FBH1: variants seen among roughly 807,000 people sequenced by gnomAD.
The protein encoded by FBH1 is DNA 3'-5' helicase 1.
In FBH1, 43 loss-of-function variants were observed where a neutral mutation model predicts 115.5. The ratio of observed to expected loss-of-function variants is 0.37; its 90% CI spans 0.29 to 0.48. The LOEUF is 0.48. Among genes scored for constraint, FBH1 ranks in the 20% least tolerant of loss-of-function variants. The pLI, the probability that FBH1 is intolerant of heterozygous loss-of-function variation, is 0.99. For missense variants in FBH1, 1,001 were observed against 1,337.3 expected (o/e 0.75, Z 3.92); for synonymous variants, 524 against 507.8 (o/e 1.03, Z -0.43).
chr10:5,912,634 G>A (rs1237734958), intron 6 of FBH1, among the ~76,000 whole-genome samples: 1 of 152,212 alleles, frequency 6.6e-6, no homozygotes, highest in Non-Finnish European at 1.5e-5. Flanking sequence ...GGAGGGGACA[G>A]GATTCCCCAG....
Position 5,925,327 on chromosome 10 carries a change from T to A in FBH1, c.2597-40T>A, listed in dbSNP as rs374645648. ...GTTTTTGTCATCTTGTTTCTTTCCC[T>A]TTGAAGCACCATCTAACGTGTGCTG... On this transcript the variant is annotated intron_variant, in intron 17 of 20. Coordinates refer to ENST00000362091, the MANE Select transcript of FBH1 (RefSeq NM_178150.3). This position sits in a 1 kb window ranked among gnomAD's most constrained non-coding sequence, Gnocchi z 4.6. The A allele has an allele frequency of 2.7e-5, 44 of 1,604,284 alleles. No homozygotes were observed. The highest frequency in any genetic ancestry group is 3.7e-5 in the Non-Finnish European group (43 of 1,175,530).
Position 5,933,821 on chromosome 10 carries a change from A to T in FBH1, c.2830-2635A>T, listed in dbSNP as rs897705456. Among the ~76,000 whole-genome samples the T allele has an allele frequency of 8.1e-5, 12 of 148,040 alleles. No homozygotes were observed. Among genetic ancestry groups the T allele is most frequent in the African/African-American group, 3.0e-4 (12 of 40,424 alleles). On this transcript the variant is annotated intron_variant, in intron 19 of 20. Coordinates refer to ENST00000362091, the MANE Select transcript of FBH1 (RefSeq NM_178150.3). This position sits in a 1 kb window ranked among gnomAD's most constrained non-coding sequence, Gnocchi z 4.9. ...CCATACCTGGCTAATTTTTTTTGGT[A>T]TTTTTTTTTTGTTAAAGACGAGGTT...
chr10:5,929,850 G>A (rs1163974361), intron 19 of FBH1: 1 of 152,168 alleles, frequency 6.6e-6, no homozygotes, highest in African/African-American at 2.4e-5. Context: ...TGTACAAATA[G>A]TCTCTACCTA....
Position 5,897,461 on chromosome 10 carries a change from A to G in FBH1, c.2-5559A>G, listed in dbSNP as rs568175339. ...CATCACAGCACCTCTCTCTGAGACCAGAGATACAGGTTAGTTTTCCTGACC... is the reference window on the plus strand; with the variant it reads ...CATCACAGCACCTCTCTCTGAGACCGGAGATACAGGTTAGTTTTCCTGACC... On this transcript the variant is annotated intron_variant, in intron 1 of 20. Transcript: ENST00000362091. The surrounding 1 kb of genome is among the most constrained non-coding windows in gnomAD (Gnocchi z 4.7). Among the ~76,000 whole-genome samples, 124 of 152,272 alleles carry G rather than the reference A, an allele frequency of 8.1e-4. No homozygotes were observed. Among genetic ancestry groups the G allele is most frequent in the African/African-American group, 2.9e-3 (120 of 41,558 alleles).
intron 9 of FBH1, 26 bp from the exon 10 acceptor site, chr10:5,916,208 C>G: frequency 6.2e-7 from 1 of 1,601,926 alleles, no homozygotes; most frequent in Non-Finnish European, 8.6e-7. Context: ...GAGCCACGTG[C>G]TGTTCATTTG....
rs1831899491 is a variant in FBH1 at position 5,915,936 on chromosome 10, G to A, written c.1566-298G>A. ...CACACTTGACCCAGGTCTCCTGGAT[G>A]TAGAGGCATCAGGGAACTCCAAGGG... is the stretch of plus-strand genomic sequence containing the variant. On this transcript the variant is annotated intron_variant, in intron 9 of 20. Coordinates refer to ENST00000362091, the MANE Select transcript of FBH1 (RefSeq NM_178150.3). This position sits in a 1 kb window ranked among gnomAD's most constrained non-coding sequence, Gnocchi z 5.2. 5 of 478,928 alleles carry A rather than the reference G, an allele frequency of 1.0e-5. No homozygotes were observed. Among genetic ancestry groups the A allele is most frequent in the African/African-American group, 3.9e-5 (2 of 51,582 alleles). 29.7% of individuals were successfully genotyped at this position (478,928 alleles called of 1,614,324 possible).
chr10:5,921,719 T>C lies in FBH1; in HGVS notation c.2322+150T>C, dbSNP rs1454050919. 4 of 1,032,312 alleles carry C rather than the reference T, an allele frequency of 3.9e-6. No homozygotes were observed. The highest frequency in any genetic ancestry group is 5.4e-6 in the Non-Finnish European group (4 of 741,290). The allele number at this position is 1,032,312 out of a possible 1,614,324, so 63.9% of individuals were successfully genotyped here. ...ACCAGGCTGCACCATGAGTGGTCTCTATCCCAGGCCATTCTGATTATGCCA... is the reference window on the plus strand; with the variant it reads ...ACCAGGCTGCACCATGAGTGGTCTCCATCCCAGGCCATTCTGATTATGCCA... On this transcript the variant is annotated intron_variant, in intron 15 of 20. Transcript: ENST00000362091. This position sits in a 1 kb window ranked among gnomAD's most constrained non-coding sequence, Gnocchi z 6.4.
chr10:5,901,507 G>A (rs1171347436), intron 1 of FBH1, among the ~76,000 whole-genome samples: 1 of 151,048 alleles, frequency 6.6e-6, no homozygotes, highest in African/African-American at 2.4e-5. Context: ...GGTAGAACCT[G>A]ATTTTATTCT....
rs1832999994 is a variant in FBH1, at chr10:5,932,053, G to A, written c.2830-4403G>A. Among the ~76,000 whole-genome samples the A allele has an allele frequency of 6.6e-6, 1 of 152,186 alleles. No homozygotes were observed. Among genetic ancestry groups the A allele is most frequent in the Non-Finnish European group, 1.5e-5 (1 of 68,034 alleles). On this transcript the variant is annotated intron_variant, in intron 19 of 20. Coordinates refer to ENST00000362091, the MANE Select transcript of FBH1 (RefSeq NM_178150.3). The surrounding 1 kb of genome is among the most constrained non-coding windows in gnomAD (Gnocchi z 5.9). Reference sequence around the variant, plus strand: ...CCCCAGCTACTTAGGAGGCTGAGGTGGGAGAATCGCGTGAACCCAGGAGGC... The same window carrying A: ...CCCCAGCTACTTAGGAGGCTGAGGTAGGAGAATCGCGTGAACCCAGGAGGC...
rs1833031024 is a variant in FBH1, at chr10:5,932,690, T to C, written c.2830-3766T>C. On this transcript the variant is annotated intron_variant, in intron 19 of 20. Transcript: ENST00000362091. This position sits in a 1 kb window ranked among gnomAD's most constrained non-coding sequence, Gnocchi z 5.9. ...TAGAAGTGGAATTGCTGGGTAAAGATAAATGCAAGTGTGACTTTTCTGTTG... is the reference window on the plus strand; with the variant it reads ...TAGAAGTGGAATTGCTGGGTAAAGACAAATGCAAGTGTGACTTTTCTGTTG... Among the ~76,000 whole-genome samples, 1 of 152,226 alleles carries C rather than the reference T, an allele frequency of 6.6e-6. No homozygotes were observed. The highest frequency in any genetic ancestry group is 1.5e-5 in the Non-Finnish European group (1 of 68,036).
chr10:5,931,462 A>G lies in FBH1; in HGVS notation c.2829+3921A>G, dbSNP rs1028301475. On this transcript the variant is annotated intron_variant, in intron 19 of 20. Transcript: ENST00000362091. This position sits in a 1 kb window ranked among gnomAD's most constrained non-coding sequence, Gnocchi z 4.3. ...AATTGTGTTCCATAATCTAATTCAC[A>G]TTTAACACGAAAGGAATTTTACTTC... Among the ~76,000 whole-genome samples, 1 of 152,224 alleles carries G rather than the reference A, an allele frequency of 6.6e-6. No homozygotes were observed. The highest frequency in any genetic ancestry group is 1.5e-5 in the Non-Finnish European group (1 of 68,036).
chr10:5,931,703 G>A lies in FBH1; in HGVS notation c.2829+4162G>A. Reference sequence around the variant, plus strand: ...ATATCATGTTCTGAAGTCACTTAAAGTAAGTCCTTTTTGCTTTTGTGGTTT... The same window carrying A: ...ATATCATGTTCTGAAGTCACTTAAAATAAGTCCTTTTTGCTTTTGTGGTTT... On this transcript the variant is annotated intron_variant, in intron 19 of 20. Coordinates refer to ENST00000362091, the MANE Select transcript of FBH1 (RefSeq NM_178150.3). This position sits in a 1 kb window ranked among gnomAD's most constrained non-coding sequence, Gnocchi z 4.3. Among the ~76,000 whole-genome samples the A allele has an allele frequency of 6.6e-6, 1 of 152,158 alleles. No individual in the cohort carries two copies. The highest frequency in any genetic ancestry group is 1.9e-4 in the East Asian group (1 of 5,202).
chr10:5,892,014 C>T (rs1256233029), intron 1 of FBH1, among the ~76,000 whole-genome samples: 1 of 152,192 alleles, frequency 6.6e-6, no homozygotes, highest in East Asian at 1.9e-4. Flanking sequence ...GCTCTGTATC[C>T]CCCTTTGGAT....
chr10:5,928,148 CTT>C (rs753773157), intron 19 of FBH1, among the ~76,000 whole-genome samples: 21 of 114,850 alleles, frequency 1.8e-4, no homozygotes, highest in Non-Finnish European at 2.2e-4. Flanking sequence ...TCAATTAGTT[CTT>C]TTTTTTTTTT....
Position 5,906,986 on chromosome 10 carries a change from A to T in FBH1, c.753+354A>T, listed in dbSNP as rs1010224089. 6.7e-6 allele frequency among the ~76,000 whole-genome samples: 1 copy of T among 149,488 alleles called. No individual in the cohort carries two copies. Among genetic ancestry groups the T allele is most frequent in the Non-Finnish European group, 1.5e-5 (1 of 67,548 alleles). The stretch of plus-strand genomic sequence containing the variant: ...ACTTCTTTTTTTTTTTTTTTGAGAC[A>T]GAGTTTCCCACTGTTGCCCAGGCTG... On this transcript the variant is annotated intron_variant, in intron 3 of 20. Coordinates refer to ENST00000362091, the MANE Select transcript of FBH1 (RefSeq NM_178150.3). This position sits in a 1 kb window ranked among gnomAD's most constrained non-coding sequence, Gnocchi z 7.3.
In FBH1 at chr10:5,906,710, A is replaced by G; in HGVS notation, c.753+78A>G. On this transcript the variant is annotated intron_variant, in intron 3 of 20. Coordinates refer to ENST00000362091, the MANE Select transcript of FBH1 (RefSeq NM_178150.3). The surrounding 1 kb of genome is among the most constrained non-coding windows in gnomAD (Gnocchi z 7.3). The stretch of plus-strand genomic sequence containing the variant: ...CTTAATGCACGCTTATAATCAGAGG[A>G]TCTTTTCAGAAATGGTTTCCATTTG... 1 of 1,225,262 alleles carries G rather than the reference A, an allele frequency of 8.2e-7. No homozygotes were observed. The highest frequency in any genetic ancestry group is 1.1e-6 in the Non-Finnish European group (1 of 877,842). The allele number at this position is 1,225,262 out of a possible 1,614,324, so 75.9% of individuals were successfully genotyped here.
rs1025021741 is a variant in FBH1 at position 5,918,021 on chromosome 10, C to T, written c.1964-321C>T. Reference sequence around the variant, plus strand: ...CTAGGAGAGAACAGACAGTGTTATCCGTCTGACTTTGTAGGTCAATTTTGA... The same window carrying T: ...CTAGGAGAGAACAGACAGTGTTATCTGTCTGACTTTGTAGGTCAATTTTGA... On this transcript the variant is annotated intron_variant, in intron 12 of 20. Transcript: ENST00000362091. The surrounding 1 kb of genome is among the most constrained non-coding windows in gnomAD (Gnocchi z 4.0). Among the ~76,000 whole-genome samples the T allele has an allele frequency of 5.9e-5, 9 of 152,172 alleles. No homozygotes were observed. The highest frequency in any genetic ancestry group is 2.2e-4 in the African/African-American group (9 of 41,424).
At chr10:5,905,760 CTG>C (rs1485569988) in intron 2 of FBH1, among the ~76,000 whole-genome samples, 1 of 152,120 alleles carries the variant, frequency 6.6e-6, no homozygotes, top group Non-Finnish European at 1.5e-5. Context: ...GCGTGTTTCT[CTG>C]TACTTGTTTT....
chr10:5,915,659 C>A lies in FBH1; in HGVS notation c.1565+88C>A. The A allele has an allele frequency of 1.6e-6, 2 of 1,224,852 alleles. No individual in the cohort carries two copies. The highest frequency in any genetic ancestry group is 2.3e-6 in the Non-Finnish European group (2 of 857,392). The allele number at this position is 1,224,852 out of a possible 1,614,324, so 75.9% of individuals were successfully genotyped here. The stretch of plus-strand genomic sequence containing the variant: ...CGTGACGATCACATGTGAGCTTACA[C>A]CACAGTGACCCCGAGGAGTGTAGTG... On this transcript the variant is annotated intron_variant, in intron 9 of 20. Coordinates refer to ENST00000362091, the MANE Select transcript of FBH1 (RefSeq NM_178150.3). The surrounding 1 kb of genome is among the most constrained non-coding windows in gnomAD (Gnocchi z 5.2).
Sources: allele counts gnomAD v4.1 joint callset (sites outside exome capture counted in the v4.1 genomes callset), GRCh38; gene constraint gnomAD v4.1.1; non-coding constraint Gnocchi (gnomAD v3.1); transcripts MANE v1.5; gene names NCBI Gene and HGNC (gene_info 2026-07-23, HGNC 2026-07-21).